MOSMO: variants seen among roughly 807,000 people sequenced by gnomAD.
MOSMO encodes modulator of smoothened.
MOSMO carries 5 observed loss-of-function variants against 18.4 expected under a neutral mutation model. The observed-to-expected ratio is 0.27, with a 90% CI of 0.14 to 0.57. The LOEUF is 0.57. Ranked by LOEUF, MOSMO falls within the 20% of genes least tolerant of loss-of-function variation. The pLI is 0.92. For missense variants in MOSMO, 138 were observed against 211.8 expected (o/e 0.65, Z 2.16); for synonymous variants, 82 against 82.3 (o/e 1.00, Z 0.02).
intron 1 of MOSMO, among the ~76,000 whole-genome samples, chr16:22,062,922 G>A (rs997190223): frequency 7.2e-5 from 11 of 152,080 alleles, no homozygotes; most frequent in Non-Finnish European, 1.5e-4. Context: ...ACGCGATCTC[G>A]GCTCACTGCA....
chr16:22,045,541 C>T lies in MOSMO; in HGVS notation c.107-29946C>T, dbSNP rs193211358. Among the ~76,000 whole-genome samples the T allele has an allele frequency of 5.3e-5, 8 of 152,194 alleles. No homozygotes were observed. The South Asian group carries it at 6.2e-4, about 12-fold the overall frequency. ...TTGCATTTCTTAAAAAGATTTCCTA[C>T]GCTAAAAGGGTGGCAGTAAGTTTAA... On this transcript the variant is annotated intron_variant, in intron 1 of 2. Transcript: ENST00000542527.
At chr16:22,027,593 CCT>C (rs1899901748) in intron 1 of MOSMO, among the ~76,000 whole-genome samples, 1 of 152,180 alleles carries the variant, frequency 6.6e-6, no homozygotes, top group East Asian at 1.9e-4. Context: ...TATCCTTCTT[CCT>C]CTCCGTTTTC....
At chr16:22,045,975 C>G (rs1272606327) in intron 1 of MOSMO, among the ~76,000 whole-genome samples, 1 of 151,954 alleles carries the variant, frequency 6.6e-6, no homozygotes, top group Admixed American at 6.6e-5. Context: ...GTGCCGCACC[C>G]AGTAACTCGT....
chr16:22,013,638 T>G (rs1183994361), intron 1 of MOSMO, among the ~76,000 whole-genome samples: 1 of 152,192 alleles, frequency 6.6e-6, no homozygotes, highest in East Asian at 1.9e-4. Context: ...TCAGTGACCG[T>G]AATCCTAATC....
chr16:22,014,015 T>C (rs895131265), intron 1 of MOSMO, among the ~76,000 whole-genome samples: 3 of 152,102 alleles, frequency 2.0e-5, no homozygotes, highest in Non-Finnish European at 4.4e-5. Flanking sequence ...TTGGAGAATG[T>C]CACTTACATT....
intron 1 of MOSMO, among the ~76,000 whole-genome samples, chr16:22,038,419 T>A (rs1900148844): frequency 6.6e-6 from 1 of 152,090 alleles, no homozygotes; most frequent in Admixed American, 6.6e-5. Context: ...GGATTGATAA[T>A]GCACCAAAGT....
chr16:22,092,356 C>T, downstream of MOSMO: 1 of 371,656 alleles, frequency 2.7e-6, no homozygotes, highest in Non-Finnish European at 5.1e-6. Flanking sequence ...CTAAATCCTG[C>T]TTCCAGGTTT....
chr16:22,016,875 A>G (rs562885357), intron 1 of MOSMO, among the ~76,000 whole-genome samples: 12 of 152,314 alleles, frequency 7.9e-5, no homozygotes, highest in African/African-American at 2.9e-4. Flanking sequence ...ACCACAGTGT[A>G]TTGTTAAGAT....
intron 2 of MOSMO, among the ~76,000 whole-genome samples, chr16:22,078,577 G>A (rs1901018398): frequency 6.6e-6 from 1 of 152,178 alleles, no homozygotes; most frequent in Non-Finnish European, 1.5e-5. Flanking sequence ...TAGGAACAAA[G>A]TTGGCATGTC....
At chr16:22,075,303 G>T (rs1488005040) in intron 1 of MOSMO, 184 bp from the exon 2 acceptor site, 42 of 692,026 alleles carry the variant, frequency 6.1e-5, no homozygotes, top group Non-Finnish European at 5.5e-5. Flanking sequence ...GGTTCACTTT[G>T]TATGTTAAAC....
At chr16:22,088,949 AAAC>A (rs1901239545), downstream of MOSMO, among the ~76,000 whole-genome samples, 1 of 152,164 alleles carries the variant, frequency 6.6e-6, no homozygotes, top group Non-Finnish European at 1.5e-5. Flanking sequence ...TGTGGAATGC[AAAC>A]AACCATAAAA....
At chr16:22,092,630 A>C in the MOSMO span, 1 of 1,550,732 alleles carries the variant, frequency 6.4e-7, no homozygotes, top group South Asian at 1.2e-5. Context: ...CCAAAGATGG[A>C]GAAATAAATG....
chr16:22,082,913 G>A lies in MOSMO; in HGVS notation c.*2033G>A, dbSNP rs913200675. On this transcript the variant is annotated 3_prime_UTR_variant, in exon 3 of 3. Transcript: ENST00000542527. Reference sequence around the variant, plus strand: ...CCTGAGGGAGACTGTTTCTCCCCAAGTATGATGATGTCTAGTCAAGTCTAA... The same window carrying A: ...CCTGAGGGAGACTGTTTCTCCCCAAATATGATGATGTCTAGTCAAGTCTAA... The A allele has an allele frequency of 1.3e-5, 2 of 152,150 alleles. No homozygotes were observed. Among genetic ancestry groups the A allele is most frequent in the Non-Finnish European group, 2.9e-5 (2 of 68,018 alleles). 9.4% of individuals were successfully genotyped at this position (152,150 alleles called of 1,614,324 possible).
intron 1 of MOSMO, among the ~76,000 whole-genome samples, chr16:22,046,377 G>T (rs1012138390): frequency 5.9e-5 from 9 of 152,212 alleles, no homozygotes; most frequent in East Asian, 1.9e-4. Flanking sequence ...TTAGGTTCCT[G>T]CAGGTCTCTG....
intron 1 of MOSMO, among the ~76,000 whole-genome samples, chr16:22,029,616 T>C (rs1256700497): frequency 1.3e-5 from 2 of 152,226 alleles, no homozygotes; most frequent in Admixed American, 6.5e-5. Context: ...GTAGAATTAA[T>C]TAACTAATTT....
downstream of MOSMO, chr16:22,085,164 G>A (rs1478807989): frequency 6.6e-6 from 1 of 152,228 alleles, no homozygotes. Flanking sequence ...CTCTGGGGGT[G>A]TCAAGATTAG....
At chr16:22,090,490 G>A (rs192738113), downstream of MOSMO, among the ~76,000 whole-genome samples, 123 of 151,962 alleles carry the variant, frequency 8.1e-4, no homozygotes, top group South Asian at 3.1e-3. Context: ...TAATCTTTTC[G>A]TTAGCTTAGG....
At chr16:22,092,022 G>T (rs142455661), downstream of MOSMO, among the ~76,000 whole-genome samples, 1 of 152,300 alleles carries the variant, frequency 6.6e-6, no homozygotes, top group African/African-American at 2.4e-5. Context: ...GATTCTCATG[G>T]GCATCCGGGC....
chr16:22,055,062 G>A (rs1900505655), intron 1 of MOSMO, among the ~76,000 whole-genome samples: 1 of 151,800 alleles, frequency 6.6e-6, no homozygotes, highest in Non-Finnish European at 1.5e-5. Context: ...TCTTAATAGT[G>A]TAAGTCTCTA....
Sources: gnomAD v4.1 joint callset for allele counts (sites outside exome capture counted in the v4.1 genomes callset) on GRCh38, gnomAD v4.1.1 for gene constraint, MANE v1.5 for transcripts, NCBI Gene and HGNC (gene_info 2026-07-23, HGNC 2026-07-21) for gene names.